Variants in CSMD1 observed in about 807,000 individuals in gnomAD.
CSMD1 encodes the protein CUB and Sushi multiple domains 1, also known as CUB and sushi domain-containing protein 1.
In CSMD1, 213 loss-of-function variants were observed where a neutral mutation model predicts 417.5. The observed-to-expected ratio is 0.51, with a 90% CI of 0.46 to 0.57. The LOEUF (loss-of-function observed/expected upper bound fraction) is 0.57, where lower values mean the gene tolerates loss of function less well. Among genes scored for constraint, CSMD1 ranks in the 20% least tolerant of loss-of-function variants. The pLI, the probability that CSMD1 is intolerant of heterozygous loss-of-function variation, is 0.00. For missense variants in CSMD1, 6,923 were observed against 4,529.7 expected (o/e 1.53, Z -15.17); for synonymous variants, 2,862 against 1,736.8 (o/e 1.65, Z -16.11).
intron 3 of CSMD1, among the ~76,000 whole-genome samples, chr8:4,083,242 G>C (rs1054978000): frequency 1.3e-5 from 2 of 152,106 alleles, no homozygotes; most frequent in Non-Finnish European, 2.9e-5. Flanking sequence ...CAGTGTAAAA[G>C]TGTTCTTATT....
At chr8:3,162,396 T>G in intron 37 of CSMD1, 119 bp from the exon 38 acceptor site, 1 of 676,164 alleles carries the variant, frequency 1.5e-6, no homozygotes, top group Non-Finnish European at 2.6e-6. Flanking sequence ...AGACTTCAAC[T>G]CTTTCTCTTG....
At chr8:3,406,441 C>A (rs1812347486) in intron 14 of CSMD1, among the ~76,000 whole-genome samples, 1 of 152,090 alleles carries the variant, frequency 6.6e-6, no homozygotes, top group African/African-American at 2.4e-5. Context: ...ATATAACTAT[C>A]ATTTATGCAG....
intron 3 of CSMD1, among the ~76,000 whole-genome samples, chr8:4,288,270 G>A (rs908599863): frequency 4.6e-5 from 7 of 152,208 alleles, no homozygotes; most frequent in Admixed American, 3.9e-4. Flanking sequence ...TGCCCCCACT[G>A]GGAACAGTAA....
Position 3,374,095 on chromosome 8 carries a change from C to A in CSMD1, c.2783-4725G>T, listed in dbSNP as rs115702039. On this transcript the variant is annotated intron_variant, in intron 18 of 69. Coordinates refer to ENST00000635120, the MANE Select transcript of CSMD1 (RefSeq NM_033225.6). Reference sequence around the variant, plus strand: ...AGCCTCCTCAATAGCTGGGATTACACACATGTATCACCACAGCCAGCTAAT... The same window carrying A: ...AGCCTCCTCAATAGCTGGGATTACAAACATGTATCACCACAGCCAGCTAAT... Among the ~76,000 whole-genome samples, 697 of 151,840 alleles carry A rather than the reference C, an allele frequency of 4.6e-3. 6 individuals are homozygous for A. Among genetic ancestry groups the A allele is most frequent in the African/African-American group, 0.016 (674 of 41,454 alleles).
At chr8:3,794,681 A>G (rs934007306) in intron 5 of CSMD1, among the ~76,000 whole-genome samples, 1 of 152,038 alleles carries the variant, frequency 6.6e-6, no homozygotes, top group Non-Finnish European at 1.5e-5. Flanking sequence ...ATCCTACTGG[A>G]AAAAATCTCA....
At chr8:3,088,950 C>T (rs558135363) in intron 48 of CSMD1, among the ~76,000 whole-genome samples, 1 of 152,024 alleles carries the variant, frequency 6.6e-6, no homozygotes, top group African/African-American at 2.4e-5. Context: ...GGAAGTGAGA[C>T]CATGAGGCTC....
At chr8:3,580,248 T>A (rs1002542853) in intron 9 of CSMD1, among the ~76,000 whole-genome samples, 1 of 152,100 alleles carries the variant, frequency 6.6e-6, no homozygotes, top group Non-Finnish European at 1.5e-5. Context: ...ACATATAATG[T>A]CAGAAGGAGA....
chr8:3,186,425 A>T (rs1157089787), intron 36 of CSMD1, among the ~76,000 whole-genome samples: 1 of 152,214 alleles, frequency 6.6e-6, no homozygotes, highest in Non-Finnish European at 1.5e-5. Context: ...ACAAACATGG[A>T]TTGTGAATGA....
chr8:4,784,221 T>C (rs946003065), intron 1 of CSMD1, among the ~76,000 whole-genome samples: 37 of 152,324 alleles, frequency 2.4e-4, no homozygotes, highest in African/African-American at 8.4e-4. Context: ...GTTTGAACAT[T>C]GCGGCCTATT....
chr8:2,954,507 T>C (rs1790153498), intron 64 of CSMD1, among the ~76,000 whole-genome samples: 1 of 152,138 alleles, frequency 6.6e-6, no homozygotes, highest in South Asian at 2.1e-4. Flanking sequence ...TATATTTCCA[T>C]TTAAAGTGCT....
intron 1 of CSMD1, among the ~76,000 whole-genome samples, chr8:4,828,613 G>C (rs1222254288): frequency 6.6e-6 from 1 of 152,004 alleles, no homozygotes; most frequent in African/African-American, 2.4e-5. Flanking sequence ...CTCTCATCTG[G>C]AATCCCTTTC....
chr8:3,904,652 T>C (rs1221052313), intron 5 of CSMD1, among the ~76,000 whole-genome samples: 1 of 151,122 alleles, frequency 6.6e-6, no homozygotes, highest in East Asian at 1.9e-4. Flanking sequence ...TTTTTTTTTT[T>C]TTGAGATGAA....
At chr8:4,069,638 T>G (rs529743718) in intron 3 of CSMD1, among the ~76,000 whole-genome samples, 1 of 152,284 alleles carries the variant, frequency 6.6e-6, no homozygotes, top group East Asian at 1.9e-4. Flanking sequence ...CTCAAGCCTC[T>G]GCAGCTTCCT....
At chr8:4,376,612 G>A (rs927434632) in intron 3 of CSMD1, among the ~76,000 whole-genome samples, 1 of 151,980 alleles carries the variant, frequency 6.6e-6, no homozygotes, top group Non-Finnish European at 1.5e-5. Context: ...TTTTAGGGGG[G>A]AATTAAATAA....
chr8:3,949,646 A>C (rs2129858497), intron 5 of CSMD1, among the ~76,000 whole-genome samples: 1 of 152,160 alleles, frequency 6.6e-6, no homozygotes, highest in South Asian at 2.1e-4. Context: ...TACAAGATTG[A>C]AGGGGCAACG....
chr8:3,751,345 C>T (rs948937620), intron 6 of CSMD1, among the ~76,000 whole-genome samples: 3 of 127,854 alleles, frequency 2.3e-5, no homozygotes, highest in Non-Finnish European at 3.5e-5. Context: ...TATATATACA[C>T]GAACACACAT....
At chr8:3,785,546 G>T (rs1016006554) in intron 5 of CSMD1, among the ~76,000 whole-genome samples, 1 of 152,174 alleles carries the variant, frequency 6.6e-6, no homozygotes, top group Admixed American at 6.5e-5. Context: ...ACACAATCAG[G>T]GCTTGAAGGG....
intron 2 of CSMD1, among the ~76,000 whole-genome samples, chr8:4,438,283 C>T (rs1367729424): frequency 3.3e-5 from 5 of 152,182 alleles, no homozygotes; most frequent in Admixed American, 6.5e-5. Flanking sequence ...AGACCTGGGG[C>T]TTTCCTGAAT....
chr8:4,613,197 T>C (rs956893635), intron 2 of CSMD1, among the ~76,000 whole-genome samples: 14 of 152,168 alleles, frequency 9.2e-5, no homozygotes, highest in African/African-American at 3.1e-4. Flanking sequence ...TAATGTCCAG[T>C]TGGTAAGAGA....
Sources: allele counts gnomAD v4.1 joint callset (sites outside exome capture counted in the v4.1 genomes callset), GRCh38; gene constraint gnomAD v4.1.1; transcripts MANE v1.5; gene names NCBI Gene and HGNC (gene_info 2026-07-23, HGNC 2026-07-21).